GABRA5: variants seen among roughly 807,000 people sequenced by gnomAD.
The protein encoded by GABRA5 is gamma-aminobutyric acid receptor subunit alpha-5.
In GABRA5, 18 loss-of-function variants were observed where a neutral mutation model predicts 47.3. That is an observed-to-expected ratio of 0.38 (90% CI 0.26 to 0.56). The LOEUF (loss-of-function observed/expected upper bound fraction) is 0.56. GABRA5 is among the 20% of genes least tolerant of loss of function. The probability of loss-of-function intolerance (pLI) is 0.71; values close to 1 mark genes in which losing one functional copy is unlikely to be tolerated. For missense variants in GABRA5, 365 were observed against 599.3 expected (o/e 0.61, Z 4.08); for synonymous variants, 237 against 229.3 (o/e 1.03, Z -0.30).
chr15:26,876,747 T>C (rs940475708), intron 3 of GABRA5, among the ~76,000 whole-genome samples: 6 of 152,088 alleles, frequency 3.9e-5, no homozygotes, highest in African/African-American at 9.7e-5. Flanking sequence ...GAAGGGAATA[T>C]GGGGTGAATG....
chr15:26,939,281 G>A (rs776032699), intron 8 of GABRA5: 4 of 765,214 alleles, frequency 5.2e-6, no homozygotes, highest in African/African-American at 3.4e-5. Context: ...TGAATGGGAG[G>A]TCTCCTCGTG....
chr15:26,883,691 G>A lies in GABRA5; in HGVS notation c.497+134G>A. The A allele has an allele frequency of 2.8e-6, 2 of 705,116 alleles. No homozygotes were observed. The highest frequency in any genetic ancestry group is 4.5e-6 in the Non-Finnish European group (2 of 447,696). The allele number at this position is 705,116 out of a possible 1,614,324, so 43.7% of individuals were successfully genotyped here. A position where few individuals can be genotyped will look rare whatever the true frequency, so the allele number is the denominator to read the frequency against. ...AGACTGCGGCGCGTGTGTGCTGGGG[G>A]TTCCCCGTTGCCATCTGCCCACACC... is the stretch of plus-strand genomic sequence containing the variant. On this transcript the variant is annotated intron_variant, in intron 6 of 10. Coordinates refer to ENST00000335625, the MANE Select transcript of GABRA5 (RefSeq NM_000810.4). This position sits in a 1 kb window ranked among gnomAD's most constrained non-coding sequence, Gnocchi z 4.8.
At chr15:26,929,646 G>A (rs11856121) in intron 7 of GABRA5, among the ~76,000 whole-genome samples, 2,371 of 152,310 alleles carry the variant, frequency 0.016, 67 homozygotes, top group African/African-American at 0.055. Flanking sequence ...TCTGTTGAGC[G>A]CAGCCCTCAC....
At chr15:26,885,413 A>C (rs77589175) in intron 6 of GABRA5, among the ~76,000 whole-genome samples, 2,513 of 152,250 alleles carry the variant, frequency 0.017, 117 homozygotes, top group South Asian at 0.13. Flanking sequence ...GACTTTGTGA[A>C]ATGATGCTGG....
chr15:26,937,684 T>C (rs1443662902), intron 8 of GABRA5, among the ~76,000 whole-genome samples: 1 of 152,170 alleles, frequency 6.6e-6, no homozygotes, highest in Non-Finnish European at 1.5e-5. Context: ...TGCAGAGATT[T>C]CCCTGGAGTT....
In GABRA5 at chr15:26,883,329, T is replaced by G; in HGVS notation, c.277-8T>G. The G allele has an allele frequency of 1.9e-6, 3 of 1,613,856 alleles. No homozygotes were observed. Among genetic ancestry groups the G allele is most frequent in the Non-Finnish European group, 2.5e-6 (3 of 1,179,778 alleles). The stretch of plus-strand genomic sequence containing the variant: ...CCTCTGACTGCCTCGTGCCTTCCTT[T>G]CCACTAGGAGTACACCATAGACGTG... On this transcript the variant is annotated splice_polypyrimidine_tract_variant and splice_region_variant and intron_variant, in intron 5 of 10. Transcript: ENST00000335625. This position sits in a 1 kb window ranked among gnomAD's most constrained non-coding sequence, Gnocchi z 4.8.
chr15:26,877,735 C>CA (rs1892632661), intron 3 of GABRA5: 3 of 451,442 alleles, frequency 6.6e-6, no homozygotes, highest in Non-Finnish European at 1.3e-5. Context: ...GAGAATATGG[C>CA]ATAAGTGGGA....
intron 4 of GABRA5, among the ~76,000 whole-genome samples, chr15:26,881,633 G>T (rs1892730884): frequency 6.6e-6 from 1 of 152,210 alleles, no homozygotes; most frequent in Non-Finnish European, 1.5e-5. Flanking sequence ...AACTTGTTGG[G>T]TTAGGTGAGG....
chr15:26,924,672 G>T (rs902524889), intron 7 of GABRA5, among the ~76,000 whole-genome samples: 3 of 152,154 alleles, frequency 2.0e-5, no homozygotes, highest in African/African-American at 4.8e-5. Context: ...TTAGCTGTCT[G>T]TTCAGCATTT....
intron 6 of GABRA5, among the ~76,000 whole-genome samples, chr15:26,909,758 A>G (rs1025918660): frequency 1.9e-4 from 29 of 152,220 alleles, no homozygotes; most frequent in African/African-American, 7.0e-4. Context: ...TTATCTCTCC[A>G]TCCCAAGATC....
At position 26,948,335 on chromosome 15, in the gene GABRA5, C is replaced by T; in HGVS notation, c.*102C>T. Reference sequence around the variant, plus strand: ...CTCTCCATATGTGAGCACTATCTTTCAGGAAATTTTTGCATGTTTAATAAT... The same window carrying T: ...CTCTCCATATGTGAGCACTATCTTTTAGGAAATTTTTGCATGTTTAATAAT... On this transcript the variant is annotated 3_prime_UTR_variant, in exon 11 of 11. Transcript: ENST00000335625. 1.7e-6 allele frequency: 2 copies of T among 1,148,074 alleles called. No homozygotes were observed. The highest frequency in any genetic ancestry group is 3.0e-4 in the Middle Eastern group (1 of 3,364). 71.1% of individuals were successfully genotyped at this position (1,148,074 alleles called of 1,614,324 possible).
At chr15:26,896,238 G>A (rs1268638083) in intron 6 of GABRA5, among the ~76,000 whole-genome samples, 1 of 152,072 alleles carries the variant, frequency 6.6e-6, no homozygotes, top group African/African-American at 2.4e-5. Flanking sequence ...CTGCAAAGTA[G>A]CCAAAAAAAG....
chr15:26,916,465 T>C (rs1893719256), intron 7 of GABRA5, among the ~76,000 whole-genome samples: 1 of 152,178 alleles, frequency 6.6e-6, no homozygotes, highest in South Asian at 2.1e-4. Flanking sequence ...CCATACTGTT[T>C]TAATTGCTGT....
At chr15:26,889,171 A>G (rs1892946738) in intron 6 of GABRA5, among the ~76,000 whole-genome samples, 1 of 152,188 alleles carries the variant, frequency 6.6e-6, no homozygotes, top group Admixed American at 6.5e-5. Context: ...AGGAAGACAT[A>G]TTTTGATGAT....
chr15:26,930,006 C>CTTCTTTTTTTTT (rs1383514715), intron 7 of GABRA5, among the ~76,000 whole-genome samples: 3 of 113,416 alleles, frequency 2.6e-5, no homozygotes, highest in African/African-American at 1.0e-4. Context: ...TCTTCTTCTT[C>CTTCTTTTTTTTT]TTTTTTTTTT....
At chr15:26,912,519 G>A (rs1236558615) in intron 6 of GABRA5, among the ~76,000 whole-genome samples, 1 of 152,044 alleles carries the variant, frequency 6.6e-6, no homozygotes, top group Admixed American at 6.6e-5. Flanking sequence ...TCTAATAACA[G>A]CCCTTTTTCA....
chr15:26,931,824 G>A (rs1379383703), intron 7 of GABRA5, among the ~76,000 whole-genome samples: 1 of 152,154 alleles, frequency 6.6e-6, no homozygotes, highest in Non-Finnish European at 1.5e-5. Flanking sequence ...TTGAAACAAA[G>A]GAGAAGCCTC....
intron 3 of GABRA5, among the ~76,000 whole-genome samples, chr15:26,869,959 C>CT (rs973066160): frequency 7.9e-5 from 12 of 152,202 alleles, no homozygotes; most frequent in South Asian, 4.2e-4. Context: ...CAACTCTAAC[C>CT]TTTTTTTTCA....
chr15:26,942,866 A>C (rs1022175364), intron 9 of GABRA5, among the ~76,000 whole-genome samples: 4 of 152,150 alleles, frequency 2.6e-5, no homozygotes, highest in African/African-American at 7.2e-5. Context: ...GGTGGATCGC[A>C]TGAGGCCAGG....
Sources: allele counts gnomAD v4.1 joint callset (sites outside exome capture counted in the v4.1 genomes callset), GRCh38; gene constraint gnomAD v4.1.1; non-coding constraint Gnocchi (gnomAD v3.1); transcripts MANE v1.5; gene names NCBI Gene and HGNC (gene_info 2026-07-23, HGNC 2026-07-21).